Variants in LZTS1 observed in about 807,000 individuals in gnomAD.
LZTS1 encodes leucine zipper tumor suppressor 1.
A neutral mutation model predicts 45.8 loss-of-function variants in LZTS1; 31 were observed. The ratio of observed to expected loss-of-function variants is 0.68; its 90% CI spans 0.51 to 0.91. The LOEUF is 0.91. Among genes scored for constraint, LZTS1 ranks in the 40% least tolerant of loss-of-function variants. The pLI is 0.00. For synonymous variants in LZTS1, 359 were observed against 357.3 expected (o/e 1.00, Z -0.05); for missense variants, 821 against 788.9 (o/e 1.04, Z -0.49).
Position 20,252,920 on chromosome 8 carries a change from C to CTGCAGTACCTGCAGG in LZTS1, c.996_1010dup (p.His332_Leu336dup). On this transcript the variant is annotated inframe_insertion, in exon 3 of 4. Transcript: ENST00000381569. ...GGAGCTGCCGCTTCTCCTGCTGAAG[C>CTGCAGTACCTGCAGG]TGCAGTACCTGCAGGTGCAGGACCT... 6 of 1,608,652 alleles carry CTGCAGTACCTGCAGG rather than the reference C, an allele frequency of 3.7e-6. No individual in the cohort carries two copies. Among genetic ancestry groups the CTGCAGTACCTGCAGG allele is most frequent in the South Asian group, 2.2e-5 (2 of 90,950 alleles).
chr8:20,303,637 GCGGACGCA>G, intron 1 of LZTS1, 95 bp downstream of exon 1: 1 of 926,872 alleles, frequency 1.1e-6, no homozygotes, highest in Non-Finnish European at 1.3e-6. Context: ...CGACGGACGC[GCGGACGCA>G]CGGACGGTCC....
chr8:20,254,728 G>C lies in LZTS1; in HGVS notation c.345+109C>G. The C allele has an allele frequency of 3.3e-6, 3 of 897,750 alleles. No individual in the cohort carries two copies. The South Asian group carries it at 5.3e-5, about 16-fold the overall frequency. The allele number at this position is 897,750 out of a possible 1,614,324, so 55.6% of individuals were successfully genotyped here. A position where few individuals can be genotyped will look rare whatever the true frequency, so the allele number is the denominator to read the frequency against. ...ACCCCTGCCGCTCTGGTTTTGAGGA[G>C]TCTGAATGCTCAGGTCACCACTCCC... On this transcript the variant is annotated intron_variant, in intron 2 of 3. Coordinates refer to ENST00000381569, the MANE Select transcript of LZTS1 (RefSeq NM_021020.5).
rs765609688 is a variant in LZTS1, at chr8:20,253,342, C to G, written c.589G>C (p.Val197Leu). The G allele has an allele frequency of 6.2e-7, 1 of 1,613,592 alleles. No individual in the cohort carries two copies. The highest frequency in any genetic ancestry group is 1.1e-5 in the South Asian group (1 of 91,078). ...CGGCTTGTGGGTCCCACGGGTGTGA[C>G]CAGCGGGTCCAGCTGGTAGCTGCTG... Reference protein sequence around the residue: ...TSSSYQLDPLVTPVGPTSRFG... With the variant: ...TSSSYQLDPLLTPVGPTSRFG... Residue 197 changes from valine to leucine, a missense_variant, in exon 3 of 4, where the codon GTC becomes CTC. Physicochemically the swap from Val to Leu is conservative, Grantham distance 32. Transcript: ENST00000381569.
rs143043257 is a variant in LZTS1, at chr8:20,278,453, A to G, written c.-134-23138T>C. ...AATAACGCAACAGGAAGATGCCAAC[A>G]TAAGACCCCAGGTCAAAGGTCAAAC... is the stretch of plus-strand genomic sequence containing the variant. On this transcript the variant is annotated intron_variant, in intron 1 of 3. Coordinates refer to ENST00000381569, the MANE Select transcript of LZTS1 (RefSeq NM_021020.5). Among the ~76,000 whole-genome samples the G allele has an allele frequency of 3.6e-3, 548 of 152,342 alleles. 3 individuals are homozygous for G. Among genetic ancestry groups the G allele is most frequent in the Admixed American group, 9.6e-3 (147 of 15,306 alleles).
Position 20,255,030 on chromosome 8 carries a change from C to T in LZTS1, c.152G>A (p.Gly51Asp), listed in dbSNP as rs1448077926. 1.9e-6 allele frequency: 3 copies of T among 1,614,206 alleles called. No homozygotes were observed. In the East Asian group the frequency reaches 6.7e-5, roughly 36 times the overall value. The stretch of plus-strand genomic sequence containing the variant: ...CATTTTGGAGCTGGACTTGCCGTGA[C>T]CGGAGTCCTGGGAGAAGCCAAACCT... ...LLRFGFSQDS[G>D]HGKSSSKMGK... is the part of the protein sequence containing the mutation. Residue 51 changes from glycine to aspartate, a missense_variant, in exon 2 of 4, where the codon GGT becomes GAT. Coordinates refer to ENST00000381569, the MANE Select transcript of LZTS1 (RefSeq NM_021020.5).
rs543233378 is a variant in LZTS1, at chr8:20,250,879, G to A, written c.1150-516C>T. ...CTCCCAAAGTGCTGGGATTGCAGGC[G>A]TGAGCCACCACGCCTAGCCACACAG... On this transcript the variant is annotated intron_variant, in intron 3 of 3. Coordinates refer to ENST00000381569, the MANE Select transcript of LZTS1 (RefSeq NM_021020.5). Among the ~76,000 whole-genome samples the A allele has an allele frequency of 9.9e-5, 15 of 151,998 alleles. No individual in the cohort carries two copies. The South Asian group carries it at 1.5e-3, about 15-fold the overall frequency.
intron 1 of LZTS1, among the ~76,000 whole-genome samples, chr8:20,285,447 C>G (rs1800776830): frequency 6.6e-6 from 1 of 152,102 alleles, no homozygotes; most frequent in African/African-American, 2.4e-5. Flanking sequence ...ATACTAGCAA[C>G]AAATAAATCA....
At position 20,248,021 on chromosome 8, in the gene LZTS1, A is replaced by C. The variant is rs1208299078; in HGVS notation, c.*1701T>G. On this transcript the variant is annotated 3_prime_UTR_variant, in exon 4 of 4. Transcript: ENST00000381569. ...AAAGCAAAAAAGAAAAAGAAAGAAG[A>C]ATAAAAGAAAAATCTGGCCAGGCAC... is the stretch of plus-strand genomic sequence containing the variant. The C allele has an allele frequency of 3.3e-5, 5 of 152,620 alleles. No homozygotes were observed. The highest frequency in any genetic ancestry group is 5.9e-5 in the Non-Finnish European group (4 of 68,096). 9.5% of individuals were successfully genotyped at this position (152,620 alleles called of 1,614,324 possible). A position where few individuals can be genotyped will look rare whatever the true frequency, so the allele number is the denominator to read the frequency against.
intron 1 of LZTS1, among the ~76,000 whole-genome samples, chr8:20,287,699 G>A (rs1031715265): frequency 3.9e-5 from 6 of 152,200 alleles, no homozygotes; most frequent in African/African-American, 1.4e-4. Context: ...GGCTGAGGCA[G>A]GTGGATTACC....
Position 20,274,961 on chromosome 8 carries a change from C to CTGTGTGTGTGTGTGTGTG in LZTS1, c.-134-19664_-134-19647dup, listed in dbSNP as rs34482608. On this transcript the variant is annotated intron_variant, in intron 1 of 3. Coordinates refer to ENST00000381569, the MANE Select transcript of LZTS1 (RefSeq NM_021020.5). Reference sequence around the variant, plus strand: ...CAAAGATAGAGTGGCTGCCATGATACTGTGTGTGTGTGTGTGTGTGTGTCT... The same window carrying CTGTGTGTGTGTGTGTGTG: ...CAAAGATAGAGTGGCTGCCATGATACTGTGTGTGTGTGTGTGTGTGTGTGTGTGTGTGTGTGTGTGTCT... 5.4e-3 allele frequency among the ~76,000 whole-genome samples: 674 copies of CTGTGTGTGTGTGTGTGTG among 125,738 alleles called. 6 individuals carry two copies. The highest frequency in any genetic ancestry group is 0.016 in the African/African-American group (606 of 37,440). The allele number at this position is 125,738 out of a possible 152,430, so 82.5% of individuals were successfully genotyped here. A position where few individuals can be genotyped will look rare whatever the true frequency, so the allele number is the denominator to read the frequency against.
At chr8:20,275,374 C>T (rs1306876291) in intron 1 of LZTS1, among the ~76,000 whole-genome samples, 1 of 147,944 alleles carries the variant, frequency 6.8e-6, no homozygotes, top group African/African-American at 2.5e-5. Flanking sequence ...CACTGCACTC[C>T]AGCCTGGGCA....
chr8:20,257,594 C>G (rs1185172886), intron 1 of LZTS1, among the ~76,000 whole-genome samples: 1 of 151,970 alleles, frequency 6.6e-6, no homozygotes, highest in Non-Finnish European at 1.5e-5. Context: ...CACCTGCCAG[C>G]TATGACATGG....
intron 1 of LZTS1, among the ~76,000 whole-genome samples, chr8:20,298,229 T>C (rs1449668497): frequency 6.6e-6 from 1 of 152,012 alleles, no homozygotes; most frequent in African/African-American, 2.4e-5. Flanking sequence ...ACCTGGCTCA[T>C]TTTTGTAGTT....
chr8:20,282,215 A>T (rs1776592884), intron 1 of LZTS1, among the ~76,000 whole-genome samples: 1 of 152,148 alleles, frequency 6.6e-6, no homozygotes, highest in Non-Finnish European at 1.5e-5. Flanking sequence ...ACACACCATA[A>T]TGACTCATTA....
At chr8:20,300,261 C>A (rs1479342840) in intron 1 of LZTS1, among the ~76,000 whole-genome samples, 1 of 152,190 alleles carries the variant, frequency 6.6e-6, no homozygotes, top group African/African-American at 2.4e-5. Flanking sequence ...GAGCTCTCAT[C>A]TTTCCCCTTA....
chr8:20,291,623 G>A (rs1429390464), intron 1 of LZTS1, among the ~76,000 whole-genome samples: 1 of 149,716 alleles, frequency 6.7e-6, no homozygotes. Flanking sequence ...TTCCATCTGC[G>A]ATTGAGCACC....
intron 1 of LZTS1, among the ~76,000 whole-genome samples, chr8:20,271,253 T>G (rs1800469717): frequency 6.6e-6 from 1 of 152,154 alleles, no homozygotes; most frequent in Non-Finnish European, 1.5e-5. Context: ...CTGCAAGGCT[T>G]CTCAGTGAAC....
intron 1 of LZTS1, among the ~76,000 whole-genome samples, chr8:20,258,407 TAGC>T (rs1800155208): frequency 6.6e-6 from 1 of 152,152 alleles, no homozygotes; most frequent in Non-Finnish European, 1.5e-5. Flanking sequence ...TTTTTACAAT[TAGC>T]AGTTGTGCAT....
At position 20,254,869 on chromosome 8, in the gene LZTS1, TG is replaced by T; in HGVS notation, c.312del (p.Lys105SerfsTer9). ...AGCTGATTGGAGAAGGGCATGAGCT[TG>T]GGGGGTGTGGACGGGTCAAAGTCCA... ...AGVDFDPSTP[P>X]KLMPFSNQLE... On this transcript the variant is annotated frameshift_variant, in exon 2 of 4. Transcript: ENST00000381569. LOFTEE classifies it high-confidence loss of function. 1.2e-6 allele frequency: 2 copies of T among 1,613,470 alleles called. No homozygotes were observed. Among genetic ancestry groups the T allele is most frequent in the Non-Finnish European group, 1.7e-6 (2 of 1,179,542 alleles).
Sources: gnomAD v4.1 joint callset for allele counts (sites outside exome capture counted in the v4.1 genomes callset) on GRCh38, gnomAD v4.1.1 for gene constraint, MANE v1.5 for transcripts, NCBI Gene and HGNC (gene_info 2026-07-23, HGNC 2026-07-21) for gene names.